The following KCNH1 variants were observed in gnomAD, a reference collection of about 807,000 sequenced individuals.
The protein encoded by KCNH1 is potassium voltage-gated channel subfamily H member 1, also known as voltage-gated delayed rectifier potassium channel KCNH1.
Under a neutral mutation model 69.2 loss-of-function variants are expected in KCNH1, and 27 were observed. That is an observed-to-expected ratio of 0.39 (90% CI 0.29 to 0.54). The LOEUF (loss-of-function observed/expected upper bound fraction) is 0.54, where lower values mean the gene tolerates loss of function less well. KCNH1 is among the 20% of genes least tolerant of loss of function. The pLI, the probability that KCNH1 is intolerant of heterozygous loss-of-function variation, is 0.68. For missense variants in KCNH1, 798 were observed against 1,261.6 expected (o/e 0.63, Z 5.57); for synonymous variants, 456 against 487.7 (o/e 0.93, Z 0.86).
intron 7 of KCNH1, among the ~76,000 whole-genome samples, chr1:210,898,537 C>A (rs895385320): frequency 2.6e-5 from 4 of 152,104 alleles, no homozygotes; most frequent in African/African-American, 9.7e-5. Flanking sequence ...ACTGACAGTC[C>A]AGAGAGTGAA....
chr1:210,683,650 T>G lies in KCNH1; in HGVS notation c.2601A>C (p.Lys867Asn). 3 of 1,614,198 alleles carry G rather than the reference T, an allele frequency of 1.9e-6. No homozygotes were observed. Among genetic ancestry groups the G allele is most frequent in the Non-Finnish European group, 2.5e-6 (3 of 1,180,036 alleles). ...ESMETLPERT[K>N]ASGEATLKKT... Reference sequence around the variant, plus strand: ...TCTTCAGTGTGGCCTCGCCTGACGCTTTTGTCCTCTCGGGAAGTGTCTCCA... The same window carrying G: ...TCTTCAGTGTGGCCTCGCCTGACGCGTTTGTCCTCTCGGGAAGTGTCTCCA... The change falls in exon 11 of 11, where the codon AAA (lysine) becomes AAC (asparagine). Residue 867 changes from lysine (K) to asparagine (N), a missense_variant. Around this residue, in one of 4 missense-constraint regions of KCNH1, gnomAD observed 331 missense variants for 363.2 expected, o/e 0.91. Coordinates refer to ENST00000271751, the MANE Select transcript of KCNH1 (RefSeq NM_172362.3). The surrounding 1 kb of genome is among the most constrained non-coding windows in gnomAD (Gnocchi z 5.7).
chr1:211,038,900 C>A (rs1689944702), intron 5 of KCNH1, among the ~76,000 whole-genome samples: 1 of 152,170 alleles, frequency 6.6e-6, no homozygotes, highest in African/African-American at 2.4e-5. Context: ...AAGAAAACCC[C>A]ATTTTCTGGG....
chr1:211,029,215 C>T (rs1206404135), intron 5 of KCNH1, among the ~76,000 whole-genome samples: 1 of 145,752 alleles, frequency 6.9e-6, no homozygotes, highest in Admixed American at 6.9e-5. Flanking sequence ...TGCCTATAGT[C>T]CTAGCTGCTT....
At chr1:210,927,943 A>T (rs1250827239) in intron 6 of KCNH1, among the ~76,000 whole-genome samples, 3 of 152,168 alleles carry the variant, frequency 2.0e-5, no homozygotes, top group Non-Finnish European at 4.4e-5. Flanking sequence ...CTTTAAAGAA[A>T]CAGCAGCTAA....
intron 6 of KCNH1, among the ~76,000 whole-genome samples, chr1:210,993,940 A>G (rs1193843630): frequency 6.6e-6 from 1 of 151,598 alleles, no homozygotes; most frequent in Non-Finnish European, 1.5e-5. Context: ...GTGTGCTTAT[A>G]GGGGTTTTAT....
chr1:211,054,643 G>A (rs1036606278), intron 5 of KCNH1, among the ~76,000 whole-genome samples: 1 of 152,124 alleles, frequency 6.6e-6, no homozygotes, highest in African/African-American at 2.4e-5. Flanking sequence ...CAGTACTTTA[G>A]AGTTAAAATA....
chr1:211,087,645 A>ACACG (rs1444080206), intron 4 of KCNH1, among the ~76,000 whole-genome samples: 91 of 151,210 alleles, frequency 6.0e-4, no homozygotes, highest in African/African-American at 2.2e-3. Context: ...ACACGCACAC[A>ACACG]CACACACACA....
chr1:211,013,027 C>T lies in KCNH1; in HGVS notation c.1032+5756G>A, dbSNP rs560521340. ...CTGCCTATACAGTATTGTTAGAACT[C>T]AAAGGGGAAGAAAAGCCCTGGTCAT... On this transcript the variant is annotated intron_variant, in intron 6 of 10. Transcript: ENST00000271751. Among the ~76,000 whole-genome samples, 34 of 152,264 alleles carry T rather than the reference C, an allele frequency of 2.2e-4. 1 individual carries two copies. Among genetic ancestry groups the T allele is most frequent in the Admixed American group, 7.2e-4 (11 of 15,288 alleles).
At chr1:210,734,284 T>C (rs115014501) in intron 10 of KCNH1, among the ~76,000 whole-genome samples, 1,657 of 152,212 alleles carry the variant, frequency 0.011, 34 homozygotes, top group African/African-American at 0.038. Flanking sequence ...CCTCAACAAG[T>C]CCCACCTATT....
At chr1:210,889,694 A>C (rs1243027470) in intron 7 of KCNH1, among the ~76,000 whole-genome samples, 3 of 152,254 alleles carry the variant, frequency 2.0e-5, no homozygotes, top group Non-Finnish European at 4.4e-5. Flanking sequence ...GCTGATAAGC[A>C]ACTTCAGTAA....
intron 5 of KCNH1, among the ~76,000 whole-genome samples, chr1:211,038,324 A>G (rs1448955103): frequency 1.3e-5 from 2 of 152,056 alleles, no homozygotes; most frequent in African/African-American, 4.8e-5. Context: ...CTCCCCAGCT[A>G]TGTGGCACTG....
rs150144447 is a variant in KCNH1 at position 210,994,745 on chromosome 1, T to G, written c.1032+24038A>C. Among the ~76,000 whole-genome samples the G allele has an allele frequency of 1.7e-3, 266 of 152,298 alleles. 1 individual carries two copies. Among genetic ancestry groups the G allele is most frequent in the African/African-American group, 6.2e-3 (256 of 41,562 alleles). On this transcript the variant is annotated intron_variant, in intron 6 of 10. Coordinates refer to ENST00000271751, the MANE Select transcript of KCNH1 (RefSeq NM_172362.3). ...TCAAAATCTGGCTTCTACCTAACTT[T>G]TCAATGTTATACCCCAGTAGATGTG...
intron 10 of KCNH1, among the ~76,000 whole-genome samples, chr1:210,702,783 A>G (rs1302355352): frequency 6.6e-6 from 1 of 152,152 alleles, no homozygotes; most frequent in Non-Finnish European, 1.5e-5. Context: ...TTTGCAAGAG[A>G]AAAGAAAAAA....
At chr1:210,722,018 C>T (rs1227362556) in intron 10 of KCNH1, among the ~76,000 whole-genome samples, 2 of 152,110 alleles carry the variant, frequency 1.3e-5, no homozygotes, top group Non-Finnish European at 2.9e-5. Context: ...CCAATCAATC[C>T]ACCAGTGGGC....
chr1:211,074,563 G>A (rs1417083873), intron 5 of KCNH1, among the ~76,000 whole-genome samples: 3 of 152,154 alleles, frequency 2.0e-5, no homozygotes, highest in Non-Finnish European at 2.9e-5. Context: ...TTATAAAAAT[G>A]TATATGGGTA....
chr1:210,809,460 G>A (rs1216179280), intron 7 of KCNH1, among the ~76,000 whole-genome samples: 4 of 152,112 alleles, frequency 2.6e-5, no homozygotes, highest in Non-Finnish European at 5.9e-5. Context: ...TATGGTGAAT[G>A]GGGTGGCCAA....
intron 7 of KCNH1, among the ~76,000 whole-genome samples, chr1:210,867,805 T>C (rs1574306637): frequency 6.6e-6 from 1 of 152,148 alleles, no homozygotes; most frequent in East Asian, 1.9e-4. Context: ...TTTTTATAAC[T>C]CAGGATAATA....
At chr1:210,932,334 T>C (rs1574345876) in intron 6 of KCNH1, among the ~76,000 whole-genome samples, 1 of 152,030 alleles carries the variant, frequency 6.6e-6, no homozygotes, top group East Asian at 1.9e-4. Context: ...CAAAAACATA[T>C]GAAAGTATAA....
chr1:210,881,503 A>G (rs1411831411), intron 7 of KCNH1, among the ~76,000 whole-genome samples: 1 of 152,192 alleles, frequency 6.6e-6, no homozygotes, highest in African/African-American at 2.4e-5. Flanking sequence ...CAATCCAGCA[A>G]TCCTACTACT....
Sources: gnomAD v4.1 joint callset for allele counts (sites outside exome capture counted in the v4.1 genomes callset) on GRCh38, gnomAD v4.1.1 for gene constraint, gnomAD v4.1.1 regional missense constraint, Gnocchi (gnomAD v3.1) non-coding constraint, MANE v1.5 for transcripts, NCBI Gene and HGNC (gene_info 2026-07-23, HGNC 2026-07-21) for gene names.